Variants in STXBP5L observed in about 807,000 individuals in gnomAD.
STXBP5L encodes syntaxin-binding protein 5-like.
STXBP5L carries 65 observed loss-of-function variants against 144.5 expected under a neutral mutation model. The ratio of observed to expected loss-of-function variants is 0.45; its 90% CI spans 0.37 to 0.55. The LOEUF (loss-of-function observed/expected upper bound fraction) is 0.55. Ranked by LOEUF, STXBP5L falls within the 20% of genes least tolerant of loss-of-function variation. The pLI, the probability that STXBP5L is intolerant of heterozygous loss-of-function variation, is 0.00. For synonymous variants in STXBP5L, 505 were observed against 469.6 expected (o/e 1.08, Z -0.97); for missense variants, 1,298 against 1,405.5 (o/e 0.92, Z 1.22).
intron 3 of STXBP5L, among the ~76,000 whole-genome samples, chr3:120,969,865 T>C (rs1940039411): frequency 6.6e-6 from 1 of 152,106 alleles, no homozygotes; most frequent in African/African-American, 2.4e-5. Flanking sequence ...ATACTTTCTT[T>C]CTGTTTTCCT....
At chr3:121,076,845 A>T (rs1045926689) in intron 5 of STXBP5L, among the ~76,000 whole-genome samples, 6 of 151,948 alleles carry the variant, frequency 3.9e-5, no homozygotes, top group Admixed American at 1.3e-4. Context: ...TTTCACTCTC[A>T]GTTTCACTTT....
chr3:121,008,929 C>T (rs1944560892), intron 3 of STXBP5L, among the ~76,000 whole-genome samples: 1 of 131,070 alleles, frequency 7.6e-6, no homozygotes, highest in African/African-American at 2.9e-5. Flanking sequence ...TTAATATAAT[C>T]AATTTTTTTT....
intron 3 of STXBP5L, among the ~76,000 whole-genome samples, chr3:120,973,373 G>T (rs1225263102): frequency 6.6e-6 from 1 of 151,702 alleles, no homozygotes; most frequent in Non-Finnish European, 1.5e-5. Flanking sequence ...GCTCATAATG[G>T]TCTCTGGTGA....
intron 15 of STXBP5L, among the ~76,000 whole-genome samples, chr3:121,252,890 A>G (rs752108135): frequency 6.6e-6 from 1 of 152,114 alleles, no homozygotes; most frequent in Non-Finnish European, 1.5e-5. Flanking sequence ...TTCCAAGCTT[A>G]TGTAATCGTT....
chr3:121,181,328 T>A (rs1477596144), intron 9 of STXBP5L, among the ~76,000 whole-genome samples: 1 of 146,024 alleles, frequency 6.8e-6, no homozygotes, highest in African/African-American at 2.5e-5. Context: ...AAAAGAAAAG[T>A]AAAGAGAGGA....
intron 2 of STXBP5L, among the ~76,000 whole-genome samples, chr3:120,953,540 A>G (rs1242620315): frequency 1.4e-5 from 2 of 138,586 alleles, no homozygotes; most frequent in Non-Finnish European, 3.1e-5. Flanking sequence ...GTCTTGTAAT[A>G]TTGCCCAGGT....
chr3:121,018,523 C>CAAAA (rs139946627), intron 3 of STXBP5L, among the ~76,000 whole-genome samples: 8 of 101,930 alleles, frequency 7.8e-5, no homozygotes, highest in Non-Finnish European at 1.4e-4. Flanking sequence ...ATCCATATAC[C>CAAAA]AAAAAAAAAA....
At chr3:121,170,457 A>G (rs2046666252) in intron 9 of STXBP5L, among the ~76,000 whole-genome samples, 1 of 152,132 alleles carries the variant, frequency 6.6e-6, no homozygotes, top group African/African-American at 2.4e-5. Context: ...AGACTAATAA[A>G]GAAGAATAGA....
intron 3 of STXBP5L, among the ~76,000 whole-genome samples, chr3:121,023,332 C>A (rs1945697119): frequency 1.3e-5 from 2 of 152,094 alleles, no homozygotes; most frequent in South Asian, 4.1e-4. Flanking sequence ...AAGCAATCTA[C>A]AAATTCAATG....
chr3:121,125,796 C>G (rs562302429), intron 7 of STXBP5L, among the ~76,000 whole-genome samples: 88 of 152,288 alleles, frequency 5.8e-4, no homozygotes, highest in African/African-American at 2.0e-3. Flanking sequence ...GGCATTCAAT[C>G]TGGCTTCCAT....
rs755578498 is a variant in STXBP5L at position 121,381,512 on chromosome 3, C to A, written c.2567C>A (p.Pro856Gln). Residue 856 changes from proline to glutamine, a missense_variant, in exon 22 of 27, where the codon CCA becomes CAA. By Grantham distance (76) the Pro-to-Gln change is moderately conservative. Transcript: ENST00000471454. Reference protein sequence around the residue: ...PLADEQRFTEPVMVLPSGTFL... With the variant: ...PLADEQRFTEQVMVLPSGTFL... ...GCAGATGAACAAAGGTTTACAGAGC[C>A]AGTCATGGTATTGCCAAGTGGTAAG... is the stretch of plus-strand genomic sequence containing the variant. The A allele has an allele frequency of 6.3e-7, 1 of 1,592,402 alleles. No homozygotes were observed. Among genetic ancestry groups the A allele is most frequent in the Non-Finnish European group, 8.5e-7 (1 of 1,174,020 alleles).
At chr3:121,355,303 C>T (rs145117038) in intron 20 of STXBP5L, among the ~76,000 whole-genome samples, 82 of 152,322 alleles carry the variant, frequency 5.4e-4, no homozygotes, top group African/African-American at 1.9e-3. Context: ...GTTCCATTCT[C>T]CCTATGACTT....
intron 9 of STXBP5L, among the ~76,000 whole-genome samples, chr3:121,180,593 G>A (rs1266654960): frequency 6.6e-6 from 1 of 152,178 alleles, no homozygotes; most frequent in Non-Finnish European, 1.5e-5. Flanking sequence ...TACCTCACCA[G>A]CTGGGCACAG....
intron 18 of STXBP5L, among the ~76,000 whole-genome samples, chr3:121,267,290 G>A (rs1450721087): frequency 6.6e-6 from 1 of 152,136 alleles, no homozygotes; most frequent in Non-Finnish European, 1.5e-5. Flanking sequence ...TGACAAACCT[G>A]ACGAAAACAA....
chr3:120,983,365 G>T (rs1489098067), intron 3 of STXBP5L, among the ~76,000 whole-genome samples: 1 of 152,144 alleles, frequency 6.6e-6, no homozygotes. Context: ...TGCTCAGTTT[G>T]CTCACTTCTC....
intron 9 of STXBP5L, among the ~76,000 whole-genome samples, chr3:121,189,297 A>G (rs1435611887): frequency 6.6e-6 from 1 of 152,214 alleles, no homozygotes; most frequent in Non-Finnish European, 1.5e-5. Context: ...GTCCTTGCCC[A>G]TGCCTATGTC....
intron 5 of STXBP5L, among the ~76,000 whole-genome samples, chr3:121,070,718 C>T (rs1330879564): frequency 6.6e-6 from 1 of 151,898 alleles, no homozygotes; most frequent in African/African-American, 2.4e-5. Context: ...TTTTCTTGTC[C>T]TAGATTTTTA....
At chr3:121,353,713 G>C (rs958658113) in intron 20 of STXBP5L, among the ~76,000 whole-genome samples, 1 of 151,970 alleles carries the variant, frequency 6.6e-6, no homozygotes, top group Non-Finnish European at 1.5e-5. Flanking sequence ...GTTATTTCCT[G>C]CCTTCTGCTA....
At chr3:121,111,610 C>A (rs1420059956) in intron 5 of STXBP5L, among the ~76,000 whole-genome samples, 1 of 152,158 alleles carries the variant, frequency 6.6e-6, no homozygotes, top group East Asian at 1.9e-4. Flanking sequence ...TCTGGGAGCT[C>A]CATCCCAGAG....
Sources: allele counts gnomAD v4.1 joint callset (sites outside exome capture counted in the v4.1 genomes callset), GRCh38; gene constraint gnomAD v4.1.1; transcripts MANE v1.5; gene names NCBI Gene and HGNC (gene_info 2026-07-23, HGNC 2026-07-21).